The following PRKACB variants were observed in gnomAD, a reference collection of about 807,000 sequenced individuals.
PRKACB encodes the protein protein kinase cAMP-activated catalytic subunit beta.
In PRKACB, 16 loss-of-function variants were observed where a neutral mutation model predicts 51.4. That is an observed-to-expected ratio of 0.31 (90% CI 0.21 to 0.47). The LOEUF (loss-of-function observed/expected upper bound fraction) is 0.47. Ranked by LOEUF, PRKACB falls within the 20% of genes least tolerant of loss-of-function variation. PRKACB has a pLI of 1.00. For missense variants in PRKACB, 309 were observed against 464.5 expected, an observed-to-expected ratio of 0.67 and a Z score of 3.08; for synonymous variants, 147 against 154.4, an observed-to-expected ratio of 0.95 and a Z score of 0.35.
At chr1:84,105,874 A>G (rs1237619545) in intron 1 of PRKACB, among the ~76,000 whole-genome samples, 1 of 152,130 alleles carries the variant, frequency 6.6e-6, no homozygotes, top group East Asian at 1.9e-4. Flanking sequence ...CACTACACCC[A>G]GCTTGTTAGC....
chr1:84,181,716 G>A, intron 2 of PRKACB: 10 of 1,520,020 alleles, frequency 6.6e-6, no homozygotes, highest in Non-Finnish European at 7.9e-6. Context: ...AAGCAAGACT[G>A]ATTTCTTCAC....
chr1:84,229,868 C>T (rs1470222740), intron 9 of PRKACB, among the ~76,000 whole-genome samples: 1 of 151,966 alleles, frequency 6.6e-6, no homozygotes, highest in Non-Finnish European at 1.5e-5. Flanking sequence ...AGAATTTTCT[C>T]CCATTTTGTA....
chr1:84,220,861 T>G (rs182364331), intron 9 of PRKACB, among the ~76,000 whole-genome samples: 1 of 152,172 alleles, frequency 6.6e-6, no homozygotes, highest in Non-Finnish European at 1.5e-5. Context: ...TGTTAAAAAT[T>G]TTTGTGTCTG....
chr1:84,128,265 T>TA lies in PRKACB; in HGVS notation c.46+49904dup, dbSNP rs112375556. 9.1e-4 allele frequency among the ~76,000 whole-genome samples: 136 copies of TA among 149,132 alleles called. 1 individual carries two copies. The highest frequency in any genetic ancestry group is 2.6e-3 in the South Asian group (12 of 4,700). ...TACCTTAGCTGCAAAAAAGCAAAAT[T>TA]AAAAAAAAAAGATGTTTTAGCATAC... On this transcript the variant is annotated intron_variant, in intron 1 of 8. Coordinates refer to the PRKACB transcript ENST00000370688.
Position 84,182,194 on chromosome 1 carries a change from A to T in PRKACB, c.250-6A>T. 2.0e-6 allele frequency: 3 copies of T among 1,531,116 alleles called. No individual in the cohort carries two copies. The highest frequency in any genetic ancestry group is 2.7e-6 in the Non-Finnish European group (3 of 1,129,980). The allele number at this position is 1,531,116 out of a possible 1,614,324, so 94.8% of individuals were successfully genotyped here. ...TTTTAAATTTTATTTATGTATTTAC[A>T]TATAGAATAATGCCGGACTTGAAGA... On this transcript the variant is annotated splice_polypyrimidine_tract_variant and splice_region_variant and intron_variant, in intron 2 of 9. Coordinates refer to ENST00000370685, the MANE Select transcript of PRKACB (RefSeq NM_182948.4).
At chr1:84,180,357 G>A (rs1662995201) in intron 2 of PRKACB, among the ~76,000 whole-genome samples, 2 of 150,930 alleles carry the variant, frequency 1.3e-5, no homozygotes, top group African/African-American at 2.4e-5. Context: ...TGATATGTGG[G>A]AGCTAAGCTA....
At chr1:84,199,123 A>G (rs1467570030) in intron 7 of PRKACB, among the ~76,000 whole-genome samples, 9 of 132,854 alleles carry the variant, frequency 6.8e-5, no homozygotes, top group Admixed American at 6.2e-4. Context: ...ATGCATATAT[A>G]TATATATATA....
rs976444186 is a variant in PRKACB at position 84,223,370 on chromosome 1, G to GTT, written c.1071+9059_1071+9060dup. On this transcript the variant is annotated intron_variant, in intron 9 of 9. Transcript: ENST00000370685. ...TGGATCTGTTTGGTTGTTTTTTTTTGTTTTTTTGTTTTTTTTGAAATGGTG... is the reference window on the plus strand; with the variant it reads ...TGGATCTGTTTGGTTGTTTTTTTTTGTTTTTTTTTGTTTTTTTTGAAATGGTG... 1.0e-3 allele frequency among the ~76,000 whole-genome samples: 22 copies of GTT among 21,460 alleles called. 1 individual carries two copies. Among genetic ancestry groups the GTT allele is most frequent in the African/African-American group, 1.6e-3 (19 of 12,034 alleles). The allele number at this position is 21,460 out of a possible 152,430, so 14.1% of individuals were successfully genotyped here.
intron 8 of PRKACB, 33 bp downstream of exon 8, chr1:84,202,838 T>A: frequency 6.6e-7 from 1 of 1,522,950 alleles, no homozygotes; most frequent in Non-Finnish European, 9.0e-7. Context: ...CCTCTCTTAT[T>A]ACTGTATATG....
Position 84,187,734 on chromosome 1 carries a change from A to G in PRKACB, c.560+2552A>G, listed in dbSNP as rs565794713. ...AGACTTACAGTCTAATAACAGGTAT[A>G]TTATAGTTATTCTTTAGAAAAAACT... On this transcript the variant is annotated intron_variant, in intron 5 of 9. Transcript: ENST00000370685. Among the ~76,000 whole-genome samples, 4 of 152,278 alleles carry G rather than the reference A, an allele frequency of 2.6e-5. No individual in the cohort carries two copies. In the East Asian group the frequency reaches 5.8e-4, roughly 22 times the overall value.
chr1:84,180,206 A>ATATATATG lies in PRKACB; in HGVS notation c.249+971_249+972insATATGTAT, dbSNP rs1553173784. On this transcript the variant is annotated intron_variant, in intron 2 of 9. Coordinates refer to ENST00000370685, the MANE Select transcript of PRKACB (RefSeq NM_182948.4). Reference sequence around the variant, plus strand: ...GTGATATATATATATATATATATATATATGTATGATGGAGTACTATGCAGC... The same window carrying ATATATATG: ...GTGATATATATATATATATATATATATATATATGTATGTATGATGGAGTACTATGCAGC... Among the ~76,000 whole-genome samples, 4 of 127,146 alleles carry ATATATATG rather than the reference A, an allele frequency of 3.1e-5. 1 individual carries two copies. Among genetic ancestry groups the ATATATATG allele is most frequent in the African/African-American group, 1.1e-4 (4 of 36,050 alleles). The allele number at this position is 127,146 out of a possible 152,430, so 83.4% of individuals were successfully genotyped here.
chr1:84,145,387 T>C (rs1653919515), intron 1 of PRKACB, among the ~76,000 whole-genome samples: 1 of 152,124 alleles, frequency 6.6e-6, no homozygotes, highest in South Asian at 2.1e-4. Flanking sequence ...TTTGGTGTGT[T>C]TGTTTGATCA....
chr1:84,224,203 G>T (rs1007792497), intron 9 of PRKACB, among the ~76,000 whole-genome samples: 2 of 152,146 alleles, frequency 1.3e-5, no homozygotes, highest in African/African-American at 4.8e-5. Context: ...TCAGGCCCCA[G>T]TGGTGGTAGC....
chr1:84,134,357 G>C (rs1652576131), intron 1 of PRKACB, among the ~76,000 whole-genome samples: 2 of 152,094 alleles, frequency 1.3e-5, no homozygotes, highest in Non-Finnish European at 2.9e-5. Flanking sequence ...TGGGGACCCT[G>C]CCCTTTTCTG....
At chr1:84,118,156 C>G (rs1371670081) in intron 1 of PRKACB, among the ~76,000 whole-genome samples, 2 of 152,188 alleles carry the variant, frequency 1.3e-5, no homozygotes, top group Non-Finnish European at 2.9e-5. Flanking sequence ...AGTTCTGTCA[C>G]TTATGCTGTC....
chr1:84,145,913 G>C (rs1042224976), intron 1 of PRKACB, among the ~76,000 whole-genome samples: 4 of 151,956 alleles, frequency 2.6e-5, no homozygotes, highest in Admixed American at 1.3e-4. Flanking sequence ...AGACAGAATT[G>C]AATTAATTTC....
At chr1:84,211,521 T>G (rs1242298818) in intron 8 of PRKACB, among the ~76,000 whole-genome samples, 4 of 152,196 alleles carry the variant, frequency 2.6e-5, no homozygotes, top group Non-Finnish European at 4.4e-5. Flanking sequence ...AGTTATTACT[T>G]CATCTAGGTA....
chr1:84,118,148 T>G (rs1334262892), intron 1 of PRKACB, among the ~76,000 whole-genome samples: 2 of 152,170 alleles, frequency 1.3e-5, no homozygotes, highest in Non-Finnish European at 2.9e-5. Context: ...ACTGCTAAAG[T>G]TCTGTCACTT....
At chr1:84,178,445 C>T (rs1662087366) in intron 1 of PRKACB, among the ~76,000 whole-genome samples, 1 of 151,936 alleles carries the variant, frequency 6.6e-6, no homozygotes, top group African/African-American at 2.4e-5. Context: ...CAAACCATAG[C>T]TCTATAAAAT....
Sources: gnomAD v4.1 joint callset for allele counts (sites outside exome capture counted in the v4.1 genomes callset) on GRCh38, gnomAD v4.1.1 for gene constraint, MANE v1.5 for transcripts, NCBI Gene and HGNC (gene_info 2026-07-23, HGNC 2026-07-21) for gene names.